The following VPS37C variants were observed in gnomAD, a reference collection of about 807,000 sequenced individuals.
VPS37C encodes vacuolar protein sorting-associated protein 37C.
In VPS37C, 9 loss-of-function variants were observed where a neutral mutation model predicts 16.1. The observed-to-expected ratio is 0.56, with a 90% confidence interval of 0.34 to 0.97. VPS37C has a LOEUF of 0.97. Ranked by LOEUF, VPS37C falls within the 50% of genes least tolerant of loss-of-function variation. The pLI is 0.02. For synonymous variants in VPS37C, 207 were observed against 206.4 expected (o/e 1.00, Z -0.02); for missense variants, 479 against 472.7 (o/e 1.01, Z -0.12).
chr11:61,142,057 GCCAC>G (rs2134638931), intron 1 of VPS37C, among the ~76,000 whole-genome samples: 1 of 152,340 alleles, frequency 6.6e-6, no homozygotes, highest in South Asian at 2.1e-4. Flanking sequence ...CACAGGAGGT[GCCAC>G]CAGATGTTTG....
intron 1 of VPS37C, chr11:61,144,969 G>A (rs1853173163): frequency 6.6e-6 from 1 of 152,252 alleles, no homozygotes; most frequent in African/African-American, 2.4e-5. Flanking sequence ...AATAGCTGGA[G>A]GCCAGATGTT....
intron 1 of VPS37C, among the ~76,000 whole-genome samples, chr11:61,145,626 C>A (rs954233761): frequency 2.0e-5 from 3 of 152,234 alleles, no homozygotes; most frequent in Non-Finnish European, 4.4e-5. Flanking sequence ...ACAGGAAACT[C>A]TTTTGCCCAC....
At chr11:61,155,506 G>C (rs1182213021) in intron 1 of VPS37C, among the ~76,000 whole-genome samples, 3 of 151,150 alleles carry the variant, frequency 2.0e-5, no homozygotes, top group African/African-American at 7.3e-5. Context: ...CTCTTAAAAA[G>C]CAAGAAGAAA....
At position 61,131,987 on chromosome 11, in the gene VPS37C, G is replaced by A; in HGVS notation, c.901C>T (p.Pro301Ser). The A allele has an allele frequency of 7.4e-7, 1 of 1,346,096 alleles. No individual in the cohort carries two copies. 83.4% of individuals were successfully genotyped at this position (1,346,096 alleles called of 1,614,324 possible). ...GGTTTTCCTCCTGTTGCGGGGTATG[G>A]GGACTGTTGAGGATAACCAGGACTG... is the stretch of plus-strand genomic sequence containing the variant. ...APSPGYPQQS[P>S]YPATGGKPPY... Residue 301 changes from proline to serine, a missense_variant, in exon 5 of 5, where the codon CCA becomes TCA. By Grantham distance (74) the Pro-to-Ser change is moderately conservative. Coordinates refer to ENST00000301765, the MANE Select transcript of VPS37C (RefSeq NM_017966.5).
At chr11:61,136,882 A>ATG (rs1861385697) in intron 2 of VPS37C, among the ~76,000 whole-genome samples, 2 of 152,114 alleles carry the variant, frequency 1.3e-5, no homozygotes. Flanking sequence ...GGTGGTGTGC[A>ATG]CCTGTAGTCC....
At chr11:61,157,992 G>A (rs1178040436) in intron 1 of VPS37C, among the ~76,000 whole-genome samples, 3 of 152,304 alleles carry the variant, frequency 2.0e-5, no homozygotes, top group South Asian at 2.1e-4. Flanking sequence ...CTTCTGAGAC[G>A]AGTAAAAGCT....
At chr11:61,141,683 G>A (rs1463613593) in intron 1 of VPS37C, among the ~76,000 whole-genome samples, 1 of 152,212 alleles carries the variant, frequency 6.6e-6, no homozygotes, top group African/African-American at 2.4e-5. Flanking sequence ...CAGGGCGGGT[G>A]CGAGGTCCAA....
intron 1 of VPS37C, among the ~76,000 whole-genome samples, chr11:61,155,249 T>C (rs1853360734): frequency 6.6e-6 from 1 of 152,088 alleles, no homozygotes; most frequent in African/African-American, 2.4e-5. Context: ...TTTGGGAAGC[T>C]GATGCCGTAG....
chr11:61,135,409 GGCCCAGGGTCTGTCCAGCCTAGA>G (rs1397646234), intron 2 of VPS37C, among the ~76,000 whole-genome samples: 1 of 152,200 alleles, frequency 6.6e-6, no homozygotes, highest in African/African-American at 2.4e-5. Context: ...AGGGATGTAG[GGCCCAGGGTCTGTCCAGCCTAGA>G]GCCCACGCTG....
chr11:61,143,362 A>ATTTTTT (rs779076399), intron 1 of VPS37C: 5 of 52,244 alleles, frequency 9.6e-5, no homozygotes, highest in Non-Finnish European at 1.3e-4. Flanking sequence ...AGGATTCTTA[A>ATTTTTT]TTTTTTTTTT....
At chr11:61,144,876 C>T (rs951706446) in intron 1 of VPS37C, 5 of 152,274 alleles carry the variant, frequency 3.3e-5, no homozygotes, top group African/African-American at 1.2e-4. Context: ...ATGGGGCTCC[C>T]ATTTCAGAAG....
Position 61,131,896 on chromosome 11 carries a change from T to C in VPS37C, c.992A>G (p.Gln331Arg), listed in dbSNP as rs975694462. The change falls in exon 5 of 5, where the codon CAG (glutamine) becomes CGG (arginine). Residue 331 changes from glutamine to arginine, a missense_variant. Physicochemically the swap from Gln to Arg is conservative, Grantham distance 43. Coordinates refer to ENST00000301765, the MANE Select transcript of VPS37C (RefSeq NM_017966.5). Reference protein sequence around the residue: ...PGQPQPSVPLQPPYPPGPAPP... With the variant: ...PGQPQPSVPLRPPYPPGPAPP... ...GGCGGGCCCGGGGGGATAAGGGGGC[T>C]GCAGGGGCACTGAGGGCTGGGGCTG... The C allele has an allele frequency of 6.2e-6, 8 of 1,281,244 alleles. No individual in the cohort carries two copies. The highest frequency in any genetic ancestry group is 2.3e-4 in the Middle Eastern group (1 of 4,444). 79.4% of individuals were successfully genotyped at this position (1,281,244 alleles called of 1,614,324 possible).
chr11:61,156,449 G>A (rs1217816685), intron 1 of VPS37C, among the ~76,000 whole-genome samples: 1 of 152,094 alleles, frequency 6.6e-6, no homozygotes, highest in Non-Finnish European at 1.5e-5. Context: ...GCTGGGCATG[G>A]TAGGCACACG....
rs200496478 is a variant in VPS37C, at chr11:61,133,356, C to T, written c.266-19G>A. ...AATTTCTCTGGAAGGGAGGGCAGAA[C>T]GACTGACATTTGAAAAGTGCTTCCT... On this transcript the variant is annotated intron_variant, in intron 3 of 4. Transcript: ENST00000301765. The T allele has an allele frequency of 2.8e-5, 45 of 1,612,610 alleles. No homozygotes were observed. In the East Asian group the frequency reaches 4.2e-4, roughly 15 times the overall value.
Position 61,132,229 on chromosome 11 carries a change from T to C in VPS37C, c.659A>G (p.His220Arg), listed in dbSNP as rs2232143. The stretch of plus-strand genomic sequence containing the variant: ...GAAAGGGGCCGGTGGCAGGGCTCCA[T>C]GGGCAGTGGGGCCCACAGGCAGGCT... The part of the protein sequence containing the change: ...SPSLPVGPTA[H>R]GALPPAPFPV... Residue 220 changes from histidine (H) to arginine (R), a missense_variant, in exon 5 of 5, where the codon CAT (histidine) becomes CGT (arginine). Physicochemically the swap from His to Arg is conservative, Grantham distance 29 (BLOSUM62 0). Coordinates refer to ENST00000301765, the MANE Select transcript of VPS37C (RefSeq NM_017966.5). The C allele has an allele frequency of 0.018, 27,565 of 1,513,786 alleles. 312 individuals carry two copies. Among genetic ancestry groups the C allele is most frequent in the Non-Finnish European group, 0.022 (25,340 of 1,130,902 alleles). The allele number at this position is 1,513,786 out of a possible 1,614,324, so 93.8% of individuals were successfully genotyped here. A position where few individuals can be genotyped will look rare whatever the true frequency, so the allele number is the denominator to read the frequency against.
chr11:61,153,195 G>A (rs1853328035), intron 1 of VPS37C, among the ~76,000 whole-genome samples: 1 of 152,200 alleles, frequency 6.6e-6, no homozygotes, highest in South Asian at 2.1e-4. Context: ...AGTGGGAGGT[G>A]ATTAGATCAT....
chr11:61,132,939 GGGAAGCA>G, intron 4 of VPS37C: 1 of 534,180 alleles, frequency 1.9e-6, no homozygotes, highest in Non-Finnish European at 3.4e-6. Flanking sequence ...GGTGGCCGGA[GGGAAGCA>G]GGAAGCAGGG....
At chr11:61,151,391 GCCTC>G (rs984580715) in intron 1 of VPS37C, among the ~76,000 whole-genome samples, 114 of 152,330 alleles carry the variant, frequency 7.5e-4, no homozygotes, top group African/African-American at 2.5e-3. Flanking sequence ...CAGGAGCAGT[GCCTC>G]CTTTGAAACT....
chr11:61,157,967 C>CT (rs1364080768), intron 1 of VPS37C, among the ~76,000 whole-genome samples: 5 of 152,196 alleles, frequency 3.3e-5, no homozygotes, highest in Non-Finnish European at 7.3e-5. Context: ...TGTGACACAC[C>CT]TGTTCCCCTT....
Sources: gnomAD v4.1 joint callset for allele counts (sites outside exome capture counted in the v4.1 genomes callset) on GRCh38, gnomAD v4.1.1 for gene constraint, MANE v1.5 for transcripts, NCBI Gene and HGNC (gene_info 2026-07-23, HGNC 2026-07-21) for gene names.